TBX15: variants seen among roughly 807,000 people sequenced by gnomAD.
TBX15 encodes T-box transcription factor 15.
A neutral mutation model predicts 53.9 loss-of-function variants in TBX15; 18 were observed. The ratio of observed to expected loss-of-function variants is 0.33; its 90% confidence interval spans 0.23 to 0.49. TBX15 has a LOEUF of 0.49. Ranked by LOEUF, TBX15 falls within the 20% of genes least tolerant of loss-of-function variation. TBX15 has a pLI of 0.98. For missense variants in TBX15, 692 were observed against 749.5 expected (o/e 0.92, Z 0.90); for synonymous variants, 295 against 278.0 (o/e 1.06, Z -0.61).
At chr1:118,929,021 C>T (rs1336516922) in intron 2 of TBX15, among the ~76,000 whole-genome samples, 3 of 152,116 alleles carry the variant, frequency 2.0e-5, no homozygotes, top group Non-Finnish European at 1.5e-5. Flanking sequence ...CAAGTGAAGT[C>T]ACAACAGTCT....
intron 1 of TBX15, among the ~76,000 whole-genome samples, chr1:118,950,055 C>G (rs1656467158): frequency 6.6e-6 from 1 of 152,160 alleles, no homozygotes; most frequent in Non-Finnish European, 1.5e-5. Context: ...GAAAAACCAG[C>G]TCCTAGCATG....
intron 1 of TBX15, among the ~76,000 whole-genome samples, chr1:118,951,322 A>T (rs759677481): frequency 8.5e-5 from 13 of 152,248 alleles, no homozygotes; most frequent in Non-Finnish European, 1.8e-4. Context: ...TTCTTGGGAT[A>T]CACAAGGTAG....
chr1:118,889,105 A>G (rs1248777761), intron 7 of TBX15, among the ~76,000 whole-genome samples: 1 of 152,202 alleles, frequency 6.6e-6, no homozygotes, highest in South Asian at 2.1e-4. Context: ...TGTTTGAAGG[A>G]GGCAGGGGCA....
chr1:118,933,071 G>A (rs1169484948), intron 1 of TBX15, among the ~76,000 whole-genome samples: 1 of 152,168 alleles, frequency 6.6e-6, no homozygotes, highest in Admixed American at 6.5e-5. Context: ...AAAAGAATGG[G>A]ACAGAATGCC....
intron 1 of TBX15, among the ~76,000 whole-genome samples, chr1:118,971,530 A>C (rs1257858226): frequency 6.6e-6 from 1 of 152,232 alleles, no homozygotes; most frequent in African/African-American, 2.4e-5. Context: ...AGGGTTTTGC[A>C]GTCTAGTTGG....
At position 118,884,133 on chromosome 1, in the gene TBX15, G is replaced by C. The variant is rs1039619671; in HGVS notation, c.*599C>G. 3.2e-5 allele frequency: 5 copies of C among 156,178 alleles called. No individual in the cohort carries two copies. The highest frequency in any genetic ancestry group is 1.2e-4 in the African/African-American group (5 of 41,466). 9.7% of individuals were successfully genotyped at this position (156,178 alleles called of 1,614,324 possible). On this transcript the variant is annotated 3_prime_UTR_variant, in exon 8 of 8. Transcript: ENST00000369429. ...CTCTCATCCATTGGGAGGGTCTCCA[G>C]GATACATGGTTCATTCCAGAAGCAG...
intron 1 of TBX15, among the ~76,000 whole-genome samples, chr1:118,936,988 T>C (rs1655991897): frequency 6.6e-6 from 1 of 152,142 alleles, no homozygotes; most frequent in African/African-American, 2.4e-5. Context: ...TAGAAACTGT[T>C]AAGGAAGGCT....
intron 7 of TBX15, among the ~76,000 whole-genome samples, chr1:118,896,596 C>T (rs974266262): frequency 2.0e-5 from 3 of 152,146 alleles, no homozygotes; most frequent in African/African-American, 7.2e-5. Flanking sequence ...CACTATTTGG[C>T]ACCAATCTTA....
Position 118,885,421 on chromosome 1 carries a change from T to C in TBX15, c.1120A>G (p.Thr374Ala). Residue 374 changes from threonine to alanine, a missense_variant, in exon 8 of 8, where the codon ACT becomes GCT. Thr to Ala is a moderately conservative substitution (Grantham distance 58). Around this residue, in one of 3 missense-constraint regions of TBX15, gnomAD observed 375 missense variants for 371.6 expected, o/e 1.01. Transcript: ENST00000369429. ...AAAGTGTTGGGGGCCAGATGAAAAGTTGGAGGAGAACAGGATGGAGATAAA... is the reference window on the plus strand; with the variant it reads ...AAAGTGTTGGGGGCCAGATGAAAAGCTGGAGGAGAACAGGATGGAGATAAA... ...HLLSPSCSPP[T>A]FHLAPNTFNV... 6.2e-7 allele frequency: 1 copy of C among 1,613,546 alleles called. No homozygotes were observed. Among genetic ancestry groups the C allele is most frequent in the Non-Finnish European group, 8.5e-7 (1 of 1,179,834 alleles).
intron 1 of TBX15, among the ~76,000 whole-genome samples, chr1:118,974,588 T>G (rs1657357852): frequency 6.6e-6 from 1 of 152,208 alleles, no homozygotes; most frequent in Non-Finnish European, 1.5e-5. Flanking sequence ...TGAAACCTGC[T>G]GTTAAGTTCT....
At chr1:118,903,658 G>A (rs1654712233) in intron 6 of TBX15, among the ~76,000 whole-genome samples, 1 of 152,072 alleles carries the variant, frequency 6.6e-6, no homozygotes, top group Admixed American at 6.5e-5. Flanking sequence ...AGATGGAAAA[G>A]GACTAAGGGA....
At chr1:118,911,390 C>T (rs145930513) in intron 6 of TBX15, among the ~76,000 whole-genome samples, 18 of 152,230 alleles carry the variant, frequency 1.2e-4, no homozygotes, top group African/African-American at 3.1e-4. Context: ...AATGGATTAA[C>T]GAAGATCCAT....
At chr1:118,893,301 GGAAGGAAGGAAGGAAA>G (rs1654224621) in intron 7 of TBX15, among the ~76,000 whole-genome samples, 1 of 118,098 alleles carries the variant, frequency 8.5e-6, no homozygotes, top group Admixed American at 1.1e-4. Flanking sequence ...AAGGAAGGAA[GGAAGGAAGGAAGGAAA>G]GAAAGAAAGA....
intron 7 of TBX15, among the ~76,000 whole-genome samples, chr1:118,895,815 A>T (rs922700443): frequency 1.3e-5 from 2 of 152,226 alleles, no homozygotes; most frequent in African/African-American, 4.8e-5. Flanking sequence ...AACCATCAAT[A>T]GGAAGAGCAA....
chr1:118,884,992 G>A lies in TBX15; in HGVS notation c.1549C>T (p.Leu517=). 1 of 1,614,152 alleles carries A rather than the reference G, an allele frequency of 6.2e-7. No individual in the cohort carries two copies. The highest frequency in any genetic ancestry group is 8.5e-7 in the Non-Finnish European group (1 of 1,180,028). The part of the protein sequence containing the change: ...NAFSLHNPYN[L]YGYNFPTSPR... ...GAAGTGGGGAAATTGTATCCATACA[G>A]GTTGTAAGGGTTGTGAAGGGAGAAG... The change falls in exon 8 of 8, where the codon CTG becomes TTG. Residue 517 remains leucine, a synonymous_variant. Coordinates refer to ENST00000369429, the MANE Select transcript of TBX15 (RefSeq NM_001330677.2).
chr1:118,924,939 T>C (rs771072405), intron 3 of TBX15, 122 bp from the exon 4 acceptor site: 21 of 1,054,462 alleles, frequency 2.0e-5, no homozygotes, highest in Non-Finnish European at 2.9e-5. Context: ...AATGGAGAAG[T>C]AATGGGAAAG....
chr1:118,907,463 G>A (rs1339344497), intron 6 of TBX15, among the ~76,000 whole-genome samples: 3 of 152,192 alleles, frequency 2.0e-5, no homozygotes, highest in Non-Finnish European at 4.4e-5. Context: ...TGTGCTTTCT[G>A]TAAAATCTTG....
chr1:118,896,381 T>A (rs1654424193), intron 7 of TBX15, among the ~76,000 whole-genome samples: 1 of 152,314 alleles, frequency 6.6e-6, no homozygotes, highest in South Asian at 2.1e-4. Flanking sequence ...CTTCAAAGTT[T>A]TATCAGCAGA....
intron 1 of TBX15, among the ~76,000 whole-genome samples, chr1:118,942,570 G>C (rs1223506944): frequency 6.6e-6 from 1 of 152,058 alleles, no homozygotes; most frequent in Admixed American, 6.5e-5. Context: ...TTAAGTCCTA[G>C]GGTCACCTCC....
Sources: gnomAD v4.1 joint callset for allele counts (sites outside exome capture counted in the v4.1 genomes callset) on GRCh38, gnomAD v4.1.1 for gene constraint, gnomAD v4.1.1 regional missense constraint, MANE v1.5 for transcripts, NCBI Gene and HGNC (gene_info 2026-07-23, HGNC 2026-07-21) for gene names.